NOS2: variants seen among roughly 807,000 people sequenced by gnomAD.
NOS2 encodes nitric oxide synthase 2.
In NOS2, 96 loss-of-function variants were observed where a neutral mutation model predicts 136.0. That is an observed-to-expected ratio of 0.71 (90% CI 0.60 to 0.84). The LOEUF (loss-of-function observed/expected upper bound fraction) is 0.84. NOS2 is among the 40% of genes least tolerant of loss of function. The probability of loss-of-function intolerance (pLI) is 0.00; values close to 1 mark genes in which losing one functional copy is unlikely to be tolerated. For missense variants in NOS2, 1,237 were observed against 1,496.9 expected, an observed-to-expected ratio of 0.83 and a Z score of 2.87; for synonymous variants, 539 against 587.5, an observed-to-expected ratio of 0.92 and a Z score of 1.20.
intron 4 of NOS2, 28 bp from the exon 5 acceptor site, chr17:27,787,854 G>A (rs747099646): frequency 1.3e-6 from 2 of 1,589,500 alleles, no homozygotes; most frequent in South Asian, 2.3e-5. Flanking sequence ...GGTGGTGAGG[G>A]TGGGCCATTC....
intron 25 of NOS2, among the ~76,000 whole-genome samples, chr17:27,759,745 C>T (rs914507898): frequency 5.3e-5 from 8 of 152,298 alleles, no homozygotes; most frequent in South Asian, 4.1e-4. Flanking sequence ...CACCTCTCCC[C>T]GGGCAGTCGC....
Position 27,774,414 on chromosome 17 carries a change from G to GCAGC in NOS2, c.1315_1318dup (p.Ala440GlyfsTer12). The GCAGC allele has an allele frequency of 6.5e-7, 1 of 1,537,982 alleles. No homozygotes were observed. The highest frequency in any genetic ancestry group is 8.8e-7 in the Non-Finnish European group (1 of 1,141,546). On this transcript the variant is annotated frameshift_variant, in exon 12 of 27. Coordinates refer to ENST00000313735, the MANE Select transcript of NOS2 (RefSeq NM_000625.4). LOFTEE classifies it high-confidence loss of function. ...CTGCATGTACTTCATGAAGGATTCT[G>GCAGC]CAGCCGAGTGGTGGTCCATGATGGT... is the stretch of plus-strand genomic sequence containing the variant.
chr17:27,770,289 G>C (rs1908448329), intron 15 of NOS2, among the ~76,000 whole-genome samples: 1 of 152,110 alleles, frequency 6.6e-6, no homozygotes, highest in Non-Finnish European at 1.5e-5. Context: ...AGACCAGCCT[G>C]ACCAACATGG....
intron 2 of NOS2, among the ~76,000 whole-genome samples, chr17:27,797,132 C>T (rs1909378175): frequency 6.6e-6 from 1 of 152,208 alleles, no homozygotes; most frequent in Non-Finnish European, 1.5e-5. Flanking sequence ...CCTCTGCTCA[C>T]CTCTCCCCTC....
At chr17:27,771,039 A>C in intron 14 of NOS2, 22 bp from the exon 15 acceptor site, 1 of 1,589,564 alleles carries the variant, frequency 6.3e-7, no homozygotes, top group Non-Finnish European at 8.6e-7. Context: ...CCAAGTGGAC[A>C]TCAGCCCTCG....
chr17:27,785,668 T>C (rs1908998974), intron 5 of NOS2, among the ~76,000 whole-genome samples: 1 of 151,970 alleles, frequency 6.6e-6, no homozygotes, highest in Non-Finnish European at 1.5e-5. Context: ...TGTAGAAAAC[T>C]GGAGGTGGGC....
intron 22 of NOS2, 97 bp downstream of exon 22, chr17:27,762,701 C>G: frequency 1.1e-6 from 1 of 888,336 alleles, no homozygotes; most frequent in Non-Finnish European, 1.7e-6. Flanking sequence ...TGTTCCCTCC[C>G]TCCTTGAACT....
chr17:27,773,296 G>A, intron 12 of NOS2, 53 bp from the exon 13 acceptor site: 1 of 1,234,586 alleles, frequency 8.1e-7, no homozygotes, highest in Non-Finnish European at 1.2e-6. Context: ...GCTTGGCTCA[G>A]CTCGCGGATG....
In NOS2 at chr17:27,788,908, C is replaced by T; in HGVS notation, c.219G>A (p.Lys73=). 6.2e-7 allele frequency: 1 copy of T among 1,614,106 alleles called. No homozygotes were observed. The highest frequency in any genetic ancestry group is 8.5e-7 in the Non-Finnish European group (1 of 1,179,990). Residue 73 remains lysine, a synonymous_variant, in exon 4 of 27, where the codon AAG becomes AAA. Transcript: ENST00000313735. ...GGGAGGACAATGGGGTTGCATCCAG[C>T]TTGACCAGAGATTCTGGAGACTTCT... is the stretch of plus-strand genomic sequence containing the variant. ...TGKKSPESLV[K]LDATPLSSPR... is the part of the protein sequence containing the mutation.
intron 11 of NOS2, among the ~76,000 whole-genome samples, chr17:27,775,646 T>G (rs1317696287): frequency 3.3e-5 from 5 of 152,120 alleles, no homozygotes; most frequent in African/African-American, 1.2e-4. Flanking sequence ...CCAGGTTTGG[T>G]GGCACATGCC....
Position 27,762,860 on chromosome 17 carries a change from G to A in NOS2, c.2738C>T (p.Ser913Phe), listed in dbSNP as rs1567633262. 11 of 1,575,990 alleles carry A rather than the reference G, an allele frequency of 7.0e-6. No homozygotes were observed. Among genetic ancestry groups the A allele is most frequent in the Non-Finnish European group, 9.5e-6 (11 of 1,161,086 alleles). Residue 913 changes from serine (S) to phenylalanine (F), a missense_variant, in exon 22 of 27, where the codon TCC becomes TTC. By Grantham distance (155) the Ser-to-Phe change is radical (BLOSUM62 -2). Around this residue, in one of 3 missense-constraint regions of NOS2, gnomAD observed 782 missense variants for 909.9 expected, o/e 0.86. Coordinates refer to ENST00000313735, the MANE Select transcript of NOS2 (RefSeq NM_000625.4). ...LKPRFYSISS[S>F]RDHTPTEIHL... ...GATCTCTGTGGGCGTGTGATCCCGG[G>A]AGGAGCTGATGGAGTAGAACCTGGG...
At chr17:27,799,799 A>AG (rs928203324) in intron 1 of NOS2, among the ~76,000 whole-genome samples, 2 of 151,914 alleles carry the variant, frequency 1.3e-5, no homozygotes, top group Non-Finnish European at 2.9e-5. Context: ...CCAAAAAAAA[A>AG]AAAGAAAGAA....
rs1255298297 is a variant in NOS2, at chr17:27,774,255, A to G, written c.1476+2T>C. 1 of 1,486,954 alleles carries G rather than the reference A, an allele frequency of 6.7e-7. No homozygotes were observed. The highest frequency in any genetic ancestry group is 9.0e-7 in the Non-Finnish European group (1 of 1,116,472). 92.1% of individuals were successfully genotyped at this position (1,486,954 alleles called of 1,614,324 possible). A position where few individuals can be genotyped will look rare whatever the true frequency, so the allele number is the denominator to read the frequency against. ...GAAGGAGAGAAGAGGAAGGCCCCTA[A>G]CCTGATAGTAGTAGAAAGGGGACAG... On this transcript the variant is annotated splice_donor_variant, in intron 12 of 26. Coordinates refer to ENST00000313735, the MANE Select transcript of NOS2 (RefSeq NM_000625.4). LOFTEE classifies it high-confidence loss of function.
In NOS2 at chr17:27,769,103, G is replaced by T; in HGVS notation, c.1908C>A (p.Ala636=). 1 of 1,612,990 alleles carries T rather than the reference G, an allele frequency of 6.2e-7. No individual in the cohort carries two copies. Among genetic ancestry groups the T allele is most frequent in the Non-Finnish European group, 8.5e-7 (1 of 1,179,856 alleles). ...GCTTCTGATCAATGTCATGAGCAAA[G>T]GCGCAGAACCGAGGGTACATGCTGG... ...LGSSMYPRFC[A]FAHDIDQKLS... The change falls in exon 17 of 27, where the codon GCC becomes GCA. Residue 636 remains alanine (A), a synonymous_variant. Transcript: ENST00000313735.
chr17:27,776,990 G>A (rs1363272805), intron 11 of NOS2, among the ~76,000 whole-genome samples: 1 of 152,192 alleles, frequency 6.6e-6, no homozygotes, highest in East Asian at 1.9e-4. Context: ...GAGGCTCACA[G>A]ATTTTCTGGG....
intron 20 of NOS2, 135 bp downstream of exon 20, chr17:27,765,400 A>G: frequency 1.3e-6 from 1 of 781,382 alleles, no homozygotes; most frequent in Non-Finnish European, 2.0e-6. Context: ...CTGCTTTCAC[A>G]TAAGCTTTGG....
intron 20 of NOS2, 93 bp downstream of exon 20, chr17:27,765,442 T>C (rs1908265558): frequency 1.7e-6 from 2 of 1,187,180 alleles, no homozygotes; most frequent in Non-Finnish European, 2.4e-6. Flanking sequence ...AGGACAGGGA[T>C]GGCTGTCACC....
At chr17:27,785,153 G>T (rs932534716) in intron 5 of NOS2, among the ~76,000 whole-genome samples, 1 of 152,166 alleles carries the variant, frequency 6.6e-6, no homozygotes, top group Non-Finnish European at 1.5e-5. Flanking sequence ...GGCTTCGAAG[G>T]GTGTGACTTT....
rs1909108835 is a variant in NOS2 at position 27,788,984 on chromosome 17, C to T, written c.196-53G>A. ...CTCAGGTCTCTCCTAGACCCCAGGC[C>T]CTGCCTTGTCTTAGAGTGGGGAAGG... On this transcript the variant is annotated intron_variant, in intron 3 of 26. Transcript: ENST00000313735. 7 of 1,587,170 alleles carry T rather than the reference C, an allele frequency of 4.4e-6. No individual in the cohort carries two copies. The East Asian group carries it at 1.6e-4, about 36-fold the overall frequency.
Sources: allele counts gnomAD v4.1 joint callset (sites outside exome capture counted in the v4.1 genomes callset), GRCh38; gene constraint gnomAD v4.1.1; regional missense constraint gnomAD v4.1.1; transcripts MANE v1.5; gene names NCBI Gene and HGNC (gene_info 2026-07-23, HGNC 2026-07-21).